The following LIPK variants were observed in gnomAD, a reference collection of about 807,000 sequenced individuals.
LIPK encodes lipase member K.
LIPK carries 32 observed loss-of-function variants against 48.6 expected under a neutral mutation model. That is an observed-to-expected ratio of 0.66 (90% CI 0.50 to 0.88). LIPK has a LOEUF of 0.88. LIPK is among the 40% of genes least tolerant of loss of function. LIPK has a pLI of 0.00. For synonymous variants in LIPK, 164 were observed against 157.4 expected (o/e 1.04, Z -0.32); for missense variants, 507 against 478.5 (o/e 1.06, Z -0.56).
At chr10:88,737,892 G>T in intron 7 of LIPK, 111 bp downstream of exon 7, 1 of 1,166,492 alleles carries the variant, frequency 8.6e-7, no homozygotes, top group Non-Finnish European at 1.2e-6. Context: ...TTTTGCATTT[G>T]GAATGTAATT....
At chr10:88,721,015 A>G (rs143047394) in intron 1 of LIPK, among the ~76,000 whole-genome samples, 1,872 of 152,062 alleles carry the variant, frequency 0.012, 10 homozygotes, top group Middle Eastern at 0.024. Context: ...TGAATTTATC[A>G]TGTCTGCTTT....
rs559581678 is a variant in LIPK, at chr10:88,713,534, C to T, written c.-12+7214C>T. On this transcript the variant is annotated intron_variant, in intron 1 of 9. Transcript: ENST00000404190. ...TTATCAGCATAAGAAAAAACAATTG[C>T]TTTTTAAATATTAGCTTTGTATCTT... 4.6e-5 allele frequency among the ~76,000 whole-genome samples: 7 copies of T among 152,260 alleles called. No individual in the cohort carries two copies. In the South Asian group the frequency reaches 1.5e-3, roughly 32 times the overall value.
At chr10:88,712,559 T>A (rs2044149580) in intron 1 of LIPK, among the ~76,000 whole-genome samples, 1 of 152,184 alleles carries the variant, frequency 6.6e-6, no homozygotes. Flanking sequence ...CCCATATTCT[T>A]TGTGAAAGTC....
chr10:88,735,165 G>A (rs1278932839), intron 6 of LIPK, among the ~76,000 whole-genome samples: 1 of 152,142 alleles, frequency 6.6e-6, no homozygotes, highest in Non-Finnish European at 1.5e-5. Context: ...ATTTAACCAT[G>A]CTAAGCCTCA....
intron 1 of LIPK, among the ~76,000 whole-genome samples, chr10:88,708,834 GTTA>G (rs1841979555): frequency 3.3e-5 from 5 of 151,672 alleles, no homozygotes; most frequent in Admixed American, 2.6e-4. Flanking sequence ...ACATATTTGT[GTTA>G]TTATTTCTTT....
At chr10:88,729,983 G>T (rs895261427) in intron 3 of LIPK, among the ~76,000 whole-genome samples, 1 of 151,784 alleles carries the variant, frequency 6.6e-6, no homozygotes, top group Non-Finnish European at 1.5e-5. Context: ...TAGTTGAAAT[G>T]TTCCTATTTT....
intron 9 of LIPK, among the ~76,000 whole-genome samples, chr10:88,744,851 T>G (rs1372574131): frequency 1.3e-5 from 2 of 151,986 alleles, no homozygotes; most frequent in Non-Finnish European, 2.9e-5. Flanking sequence ...CAGGAGAAAG[T>G]TGAAACTCAG....
chr10:88,740,911 A>G (rs1842669293), intron 8 of LIPK, among the ~76,000 whole-genome samples: 1 of 152,124 alleles, frequency 6.6e-6, no homozygotes, highest in Admixed American at 6.5e-5. Context: ...CTTGGTGAGG[A>G]TTTCCAAAAT....
chr10:88,735,743 A>T (rs924776712), intron 6 of LIPK, among the ~76,000 whole-genome samples: 1 of 152,214 alleles, frequency 6.6e-6, no homozygotes, highest in Non-Finnish European at 1.5e-5. Context: ...TTATGTGACA[A>T]ATATGCCTCC....
intron 9 of LIPK, among the ~76,000 whole-genome samples, chr10:88,748,708 A>C (rs1842813767): frequency 6.6e-6 from 1 of 152,178 alleles, no homozygotes; most frequent in Non-Finnish European, 1.5e-5. Flanking sequence ...AAAAGCTTGA[A>C]GCATTCCCCT....
chr10:88,730,103 A>G (rs1046770732), intron 3 of LIPK, among the ~76,000 whole-genome samples: 6 of 152,236 alleles, frequency 3.9e-5, no homozygotes, highest in African/African-American at 7.2e-5. Flanking sequence ...AGCAGTGCCT[A>G]TAAAACTTAG....
At chr10:88,732,865 C>G (rs1280310128) in intron 6 of LIPK, among the ~76,000 whole-genome samples, 3 of 152,140 alleles carry the variant, frequency 2.0e-5, no homozygotes, top group Non-Finnish European at 4.4e-5. Context: ...TTCTAGTGAT[C>G]CCTAATTTTT....
intron 1 of LIPK, among the ~76,000 whole-genome samples, chr10:88,716,247 T>C (rs889127817): frequency 1.3e-5 from 2 of 151,624 alleles, no homozygotes; most frequent in African/African-American, 4.8e-5. Context: ...AGAAAAGAGA[T>C]AATTGAGCAA....
intron 1 of LIPK, among the ~76,000 whole-genome samples, chr10:88,707,722 T>C (rs1841961345): frequency 6.6e-6 from 1 of 152,166 alleles, no homozygotes; most frequent in Non-Finnish European, 1.5e-5. Flanking sequence ...TTCTCAAATC[T>C]ACAATTTTTA....
In LIPK at chr10:88,724,662, TCAG is replaced by T; in HGVS notation, c.105+15_105+17del. ...AATATGAATATTGTAAGTCATTTAT[TCAG>T]AAAAAAATGCTAAAATAAGGAATTA... On this transcript the variant is annotated intron_variant, in intron 2 of 9. Coordinates refer to ENST00000404190, the MANE Select transcript of LIPK (RefSeq NM_001080518.2). 1 of 1,439,080 alleles carries T rather than the reference TCAG, an allele frequency of 6.9e-7. No individual in the cohort carries two copies. Among genetic ancestry groups the T allele is most frequent in the Non-Finnish European group, 9.1e-7 (1 of 1,099,944 alleles). 89.1% of individuals were successfully genotyped at this position (1,439,080 alleles called of 1,614,324 possible).
chr10:88,730,400 C>G (rs1842440052), intron 3 of LIPK, among the ~76,000 whole-genome samples: 1 of 152,124 alleles, frequency 6.6e-6, no homozygotes, highest in Non-Finnish European at 1.5e-5. Flanking sequence ...CGCCATTTTC[C>G]TGCCTCAGCC....
chr10:88,721,803 T>C (rs182919657), intron 1 of LIPK, among the ~76,000 whole-genome samples: 1 of 152,308 alleles, frequency 6.6e-6, no homozygotes, highest in Non-Finnish European at 1.5e-5. Flanking sequence ...AATGAGACCA[T>C]GTTAACTGTC....
chr10:88,726,847 C>CA lies in LIPK; in HGVS notation c.162dup (p.Asp55ArgfsTer9). 1 of 1,608,734 alleles carries CA rather than the reference C, an allele frequency of 6.2e-7. No individual in the cohort carries two copies. Among genetic ancestry groups the CA allele is most frequent in the Non-Finnish European group, 8.5e-7 (1 of 1,176,120 alleles). ...CCTTATGAAGAGTATGATGTTACAA[C>CA]AAAAGATGGTTATATCCTTGGAATT... On this transcript the variant is annotated frameshift_variant, in exon 3 of 10. Coordinates refer to ENST00000404190, the MANE Select transcript of LIPK (RefSeq NM_001080518.2). LOFTEE classifies it high-confidence loss of function.
At chr10:88,728,478 C>T (rs1842391874) in intron 3 of LIPK, 1 of 215,338 alleles carries the variant, frequency 4.6e-6, no homozygotes, top group Non-Finnish European at 9.6e-6. Flanking sequence ...GGCCAGAGAA[C>T]GCAGAGCAGC....
Sources: gnomAD v4.1 joint callset for allele counts (sites outside exome capture counted in the v4.1 genomes callset) on GRCh38, gnomAD v4.1.1 for gene constraint, MANE v1.5 for transcripts, NCBI Gene and HGNC (gene_info 2026-07-23, HGNC 2026-07-21) for gene names.